TMEM184C: variants seen among roughly 807,000 people sequenced by gnomAD.
The protein encoded by TMEM184C is transmembrane protein 34.
Under a neutral mutation model 54.5 loss-of-function variants are expected in TMEM184C, and 25 were observed. The ratio of observed to expected loss-of-function variants is 0.46; its 90% CI spans 0.33 to 0.64. The LOEUF is 0.64. Among genes scored for constraint, TMEM184C ranks in the 30% least tolerant of loss-of-function variants. TMEM184C has a pLI of 0.02. For synonymous variants in TMEM184C, 148 were observed against 181.5 expected, an observed-to-expected ratio of 0.82 and a Z score of 1.49; for missense variants, 335 against 520.3, an observed-to-expected ratio of 0.64 and a Z score of 3.46.
At chr4:147,619,944 C>T (rs1486881570) in intron 1 of TMEM184C, among the ~76,000 whole-genome samples, 1 of 152,166 alleles carries the variant, frequency 6.6e-6, no homozygotes, top group Non-Finnish European at 1.5e-5. Context: ...CCATCAAGGT[C>T]CAACATGATC....
chr4:147,627,300 G>GTT (rs35317897), intron 4 of TMEM184C, among the ~76,000 whole-genome samples: 1 of 149,240 alleles, frequency 6.7e-6, no homozygotes, highest in African/African-American at 2.5e-5. Flanking sequence ...AGATTACTGT[G>GTT]TTTTTTTTTT....
At chr4:147,629,476 A>G in intron 5 of TMEM184C, 123 bp from the exon 6 acceptor site, 1 of 665,700 alleles carries the variant, frequency 1.5e-6, no homozygotes, top group Non-Finnish European at 2.5e-6. Context: ...CTCTGTGTCC[A>G]AAGTCAAGTG....
intron 1 of TMEM184C, among the ~76,000 whole-genome samples, chr4:147,621,855 C>G (rs1312059293): frequency 6.6e-6 from 1 of 152,184 alleles, no homozygotes; most frequent in African/African-American, 2.4e-5. Flanking sequence ...TTATAGCACA[C>G]TGAGGACACT....
In TMEM184C at chr4:147,624,809, A is replaced by C; in HGVS notation, c.297A>C (p.Ile99=). ...MVPIYSLDSW[I]ALKYPGIAIY... ...ACATCTGTGCTTTTTCATAGTGGAT[A>C]GCTTTGAAATATCCCGGAATTGCAA... The change falls in exon 4 of 10, where the codon ATA becomes ATC. Residue 99 remains isoleucine (I), a synonymous_variant. Transcript: ENST00000296582. 6.2e-7 allele frequency: 1 copy of C among 1,613,296 alleles called. No homozygotes were observed. Among genetic ancestry groups the C allele is most frequent in the Non-Finnish European group, 8.5e-7 (1 of 1,179,358 alleles).
In TMEM184C at chr4:147,628,569, A is replaced by G. The variant is rs758754276; in HGVS notation, c.572+134A>G. ...AGTCTGTTGTAAAAAAAAACACTGT[A>G]TAGAAACTCACTCTATTAAAATAAA... is the stretch of plus-strand genomic sequence containing the variant. On this transcript the variant is annotated intron_variant, in intron 5 of 9. Transcript: ENST00000296582. 7.8e-5 allele frequency: 54 copies of G among 690,500 alleles called. No individual in the cohort carries two copies. In the Middle Eastern group the frequency reaches 1.4e-3, roughly 18 times the overall value. 42.8% of individuals were successfully genotyped at this position (690,500 alleles called of 1,614,324 possible).
chr4:147,627,656 C>T (rs1284502274), intron 4 of TMEM184C, among the ~76,000 whole-genome samples: 1 of 152,168 alleles, frequency 6.6e-6, no homozygotes, highest in East Asian at 1.9e-4. Context: ...CACACACCTA[C>T]AGTCCCAGCT....
chr4:147,631,220 T>C (rs1437965577), intron 6 of TMEM184C, among the ~76,000 whole-genome samples, 173 bp from the exon 7 acceptor site: 1 of 152,154 alleles, frequency 6.6e-6, no homozygotes, highest in Non-Finnish European at 1.5e-5. Flanking sequence ...TTGTATGTAG[T>C]ATATATTCAT....
rs1294338907 is a variant in TMEM184C at position 147,636,293 on chromosome 4, GAAGA to G, written c.*1864_*1867del. The G allele has an allele frequency of 2.6e-5, 4 of 152,128 alleles. No homozygotes were observed. The highest frequency in any genetic ancestry group is 2.1e-4 in the South Asian group (1 of 4,822). 9.4% of individuals were successfully genotyped at this position (152,128 alleles called of 1,614,324 possible). A position where few individuals can be genotyped will look rare whatever the true frequency, so the allele number is the denominator to read the frequency against. The stretch of plus-strand genomic sequence containing the variant: ...AACACATACACAGGCCAGTGGGACA[GAAGA>G]AAGAGTCCAGATATAAATCCAAACA... On this transcript the variant is annotated 3_prime_UTR_variant, in exon 10 of 10. Transcript: ENST00000296582.
At chr4:147,624,141 TG>T (rs1169351513) in intron 3 of TMEM184C, 43 bp downstream of exon 3, 2 of 1,493,406 alleles carry the variant, frequency 1.3e-6, no homozygotes, top group South Asian at 2.3e-5. Context: ...AGGACTTGTT[TG>T]ATGATACTAT....
chr4:147,633,963 A>T, intron 9 of TMEM184C, 27 bp downstream of exon 9: 2 of 1,597,396 alleles, frequency 1.3e-6, no homozygotes, highest in Non-Finnish European at 1.7e-6. Flanking sequence ...TAATTCAACC[A>T]AATAGGTTGG....
chr4:147,618,670 C>T (rs916588512), intron 1 of TMEM184C, among the ~76,000 whole-genome samples: 5 of 152,246 alleles, frequency 3.3e-5, no homozygotes, highest in East Asian at 1.9e-4. Flanking sequence ...ACTTTAAATT[C>T]GGAGTTAATA....
Position 147,631,421 on chromosome 4 carries a change from A to T in TMEM184C, c.695A>T (p.Tyr232Phe). 1 of 1,596,708 alleles carries T rather than the reference A, an allele frequency of 6.3e-7. No individual in the cohort carries two copies. Among genetic ancestry groups the T allele is most frequent in the Non-Finnish European group, 8.5e-7 (1 of 1,176,386 alleles). The change falls in exon 7 of 10, where the codon TAT becomes TTT. Residue 232 changes from tyrosine to phenylalanine, a missense_variant. Transcript: ENST00000296582. The stretch of plus-strand genomic sequence containing the variant: ...GCCATGTATTGTCTCCTGCTCTTTT[A>T]TAAAGTACTAAAAGAAGAACTGAGC... ...LFAMYCLLLF[Y>F]KVLKEELSPI...
At chr4:147,618,103 C>T in intron 1 of TMEM184C, 24 bp downstream of exon 1, 1 of 1,613,540 alleles carries the variant, frequency 6.2e-7, no homozygotes. Context: ...GCACCATCAG[C>T]CTGTACACTT....
chr4:147,625,065 T>C, intron 4 of TMEM184C, 56 bp downstream of exon 4: 1 of 1,554,508 alleles, frequency 6.4e-7, no homozygotes, highest in African/African-American at 1.4e-5. Context: ...AAGCAGAGTT[T>C]TTAAGTAGCA....
At position 147,617,882 on chromosome 4, in the gene TMEM184C, C is replaced by T. The variant is rs1334603835; in HGVS notation, c.-75C>T. On this transcript the variant is annotated 5_prime_UTR_variant, in exon 1 of 10. Coordinates refer to ENST00000296582, the MANE Select transcript of TMEM184C (RefSeq NM_018241.3). ...GTAGTATGCGAGTTGACAAAACAGC[C>T]AGAGAACAGGGCTCCCCATTACAAT... The T allele has an allele frequency of 1.2e-5, 19 of 1,592,930 alleles. No homozygotes were observed. In the Admixed American group the frequency reaches 3.2e-4, roughly 27 times the overall value.
intron 4 of TMEM184C, 90 bp downstream of exon 4, chr4:147,625,099 A>G: frequency 1.6e-6 from 2 of 1,215,380 alleles, no homozygotes; most frequent in Non-Finnish European, 2.4e-6. Context: ...AAGGCAGTGC[A>G]TTAAGTATTA....
rs1421299716 is a variant in TMEM184C, at chr4:147,617,416, C to G, written c.-541C>G. On this transcript the variant is annotated 5_prime_UTR_variant, in exon 1 of 10. Transcript: ENST00000296582. ...AGTCTTGGTTTGGCCTTGGGTTCCGCTGTAGGGGAGGTCCCGTGCGAAAGA... is the reference window on the plus strand; with the variant it reads ...AGTCTTGGTTTGGCCTTGGGTTCCGGTGTAGGGGAGGTCCCGTGCGAAAGA... The G allele has an allele frequency of 6.4e-6, 1 of 155,664 alleles. No homozygotes were observed. The highest frequency in any genetic ancestry group is 1.4e-5 in the Non-Finnish European group (1 of 69,720). The allele number at this position is 155,664 out of a possible 1,614,324, so 9.6% of individuals were successfully genotyped here. A position where few individuals can be genotyped will look rare whatever the true frequency, so the allele number is the denominator to read the frequency against.
At chr4:147,624,430 A>G (rs1732772738) in intron 3 of TMEM184C, among the ~76,000 whole-genome samples, 1 of 151,960 alleles carries the variant, frequency 6.6e-6, no homozygotes, top group African/African-American at 2.4e-5. Flanking sequence ...GTGGATACAC[A>G]TGAAATTGTT....
chr4:147,630,116 TTC>T (rs1732888700), intron 6 of TMEM184C, among the ~76,000 whole-genome samples: 1 of 151,902 alleles, frequency 6.6e-6, no homozygotes, highest in African/African-American at 2.4e-5. Flanking sequence ...GAGAATAAAA[TTC>T]TCTGTTATCA....
Sources: allele counts gnomAD v4.1 joint callset (sites outside exome capture counted in the v4.1 genomes callset), GRCh38; gene constraint gnomAD v4.1.1; transcripts MANE v1.5; gene names NCBI Gene and HGNC (gene_info 2026-07-23, HGNC 2026-07-21).